DGKB: variants seen among roughly 807,000 people sequenced by gnomAD.
DGKB encodes the protein 90 kDa diacylglycerol kinase.
A neutral mutation model predicts 114.3 loss-of-function variants in DGKB; 67 were observed. That is an observed-to-expected ratio of 0.59 (90% CI 0.48 to 0.72). The LOEUF (loss-of-function observed/expected upper bound fraction) is 0.72. Ranked by LOEUF, DGKB falls within the 30% of genes least tolerant of loss-of-function variation. The pLI is 0.00. For synonymous variants in DGKB, 398 were observed against 323.1 expected, an observed-to-expected ratio of 1.23 and a Z score of -2.49; for missense variants, 907 against 975.2, an observed-to-expected ratio of 0.93 and a Z score of 0.93.
chr7:14,653,419 A>C (rs1271521045), intron 13 of DGKB, among the ~76,000 whole-genome samples: 2 of 149,900 alleles, frequency 1.3e-5, no homozygotes, highest in Non-Finnish European at 3.0e-5. Flanking sequence ...AAAACCAAAC[A>C]CCGCATATTC....
At chr7:14,765,410 C>G (rs149281756) in intron 2 of DGKB, among the ~76,000 whole-genome samples, 1 of 151,920 alleles carries the variant, frequency 6.6e-6, no homozygotes, top group African/African-American at 2.4e-5. Context: ...TAGTTAATTC[C>G]AAAATGACTA....
intron 2 of DGKB, among the ~76,000 whole-genome samples, chr7:14,780,262 A>G (rs1838865800): frequency 6.6e-6 from 1 of 152,082 alleles, no homozygotes; most frequent in Non-Finnish European, 1.5e-5. Flanking sequence ...TCTCCAGCTG[A>G]CTCTTTTGTG....
chr7:14,892,438 A>G (rs1315299994), intron 1 of DGKB, among the ~76,000 whole-genome samples: 1 of 151,366 alleles, frequency 6.6e-6, no homozygotes, highest in Non-Finnish European at 1.5e-5. Context: ...AAGATAATAG[A>G]TGACACTGAG....
At chr7:14,276,928 CAT>C (rs1253822969) in intron 23 of DGKB, among the ~76,000 whole-genome samples, 1 of 151,800 alleles carries the variant, frequency 6.6e-6, no homozygotes, top group East Asian at 1.9e-4. Context: ...GATGATTTGA[CAT>C]ATGTCTACAA....
At chr7:14,653,741 G>A (rs1035348395) in intron 13 of DGKB, among the ~76,000 whole-genome samples, 17 of 151,788 alleles carry the variant, frequency 1.1e-4, no homozygotes, top group African/African-American at 4.1e-4. Flanking sequence ...ATCAATAAAT[G>A]TGATATAATA....
At chr7:14,501,742 T>C (rs1377638474) in intron 20 of DGKB, among the ~76,000 whole-genome samples, 1 of 151,980 alleles carries the variant, frequency 6.6e-6, no homozygotes, top group Non-Finnish European at 1.5e-5. Flanking sequence ...ATTGCCATTA[T>C]CCTATGTCAT....
At chr7:14,461,807 G>T (rs928076280) in intron 21 of DGKB, among the ~76,000 whole-genome samples, 14 of 152,206 alleles carry the variant, frequency 9.2e-5, no homozygotes, top group African/African-American at 3.4e-4. Context: ...AACAAAAAAA[G>T]AAAATTTCAG....
chr7:14,709,800 ACT>A (rs1827015564), intron 6 of DGKB, among the ~76,000 whole-genome samples: 1 of 117,690 alleles, frequency 8.5e-6, no homozygotes, highest in Non-Finnish European at 1.7e-5. Context: ...GGAATATCAC[ACT>A]CTGGGGACTG....
intron 1 of DGKB, among the ~76,000 whole-genome samples, chr7:14,887,999 T>C (rs1780581619): frequency 6.6e-6 from 1 of 151,568 alleles, no homozygotes; most frequent in Non-Finnish European, 1.5e-5. Flanking sequence ...TGAATGGGAG[T>C]TATTAAATGC....
chr7:14,287,685 A>T (rs10269065), intron 23 of DGKB, among the ~76,000 whole-genome samples: 9,668 of 152,194 alleles, frequency 0.064, 994 homozygotes, highest in African/African-American at 0.22. Context: ...AAAGTTAAGC[A>T]TGTTCTTAAA....
At chr7:14,700,116 G>A (rs979247890) in intron 7 of DGKB, among the ~76,000 whole-genome samples, 2 of 151,930 alleles carry the variant, frequency 1.3e-5, no homozygotes, top group African/African-American at 4.8e-5. Context: ...TCGTGAAATG[G>A]CACCATAAAA....
At chr7:14,697,076 C>G (rs1824069586) in intron 8 of DGKB, among the ~76,000 whole-genome samples, 1 of 152,160 alleles carries the variant, frequency 6.6e-6, no homozygotes, top group South Asian at 2.1e-4. Context: ...CTCTTATCAA[C>G]TTTCCCCAAA....
At chr7:14,195,745 T>G (rs140956258) in intron 23 of DGKB, among the ~76,000 whole-genome samples, 181 of 152,272 alleles carry the variant, frequency 1.2e-3, no homozygotes, top group African/African-American at 4.0e-3. Context: ...TTAATAATGC[T>G]GAACATTAAA....
At chr7:14,292,726 C>A (rs1031032066) in intron 23 of DGKB, among the ~76,000 whole-genome samples, 2 of 152,198 alleles carry the variant, frequency 1.3e-5, no homozygotes, top group African/African-American at 2.4e-5. Context: ...TCTGCACTTA[C>A]AGAGTGCCTC....
At chr7:14,430,257 T>C (rs558321750) in intron 21 of DGKB, among the ~76,000 whole-genome samples, 1 of 152,180 alleles carries the variant, frequency 6.6e-6, no homozygotes, top group Non-Finnish European at 1.5e-5. Flanking sequence ...GATGGTCTTT[T>C]AAAAATATTT....
At chr7:14,346,740 G>C (rs1812541863) in intron 21 of DGKB, among the ~76,000 whole-genome samples, 1 of 151,828 alleles carries the variant, frequency 6.6e-6, no homozygotes, top group African/African-American at 2.4e-5. Context: ...TTTATAGAAT[G>C]GTTAGGCTTT....
At chr7:14,763,467 G>A (rs1450857083) in intron 2 of DGKB, among the ~76,000 whole-genome samples, 2 of 152,034 alleles carry the variant, frequency 1.3e-5, no homozygotes, top group African/African-American at 4.8e-5. Context: ...AACACATGAA[G>A]AAATCAAAGT....
At position 14,268,123 on chromosome 7, in the gene DGKB, A is replaced by G. The variant is rs1797772029; in HGVS notation, c.2122+70392T>C. On this transcript the variant is annotated intron_variant, in intron 23 of 25. Transcript: ENST00000402815. ...TGCTAGCTTACTATCTAGCTCACTG[A>G]TCTAACCACTATATAGAACTACATG... 1.3e-5 allele frequency among the ~76,000 whole-genome samples: 2 copies of G among 152,062 alleles called. 1 individual carries two copies. Among genetic ancestry groups the G allele is most frequent in the Admixed American group, 1.3e-4 (2 of 15,260 alleles).
chr7:14,689,363 G>A (rs1409521112), intron 9 of DGKB, among the ~76,000 whole-genome samples: 1 of 151,594 alleles, frequency 6.6e-6, no homozygotes, highest in African/African-American at 2.4e-5. Flanking sequence ...TTTTAGTAGA[G>A]ACGGGGTTTC....
Sources: gnomAD v4.1 joint callset for allele counts (sites outside exome capture counted in the v4.1 genomes callset) on GRCh38, gnomAD v4.1.1 for gene constraint, MANE v1.5 for transcripts, NCBI Gene and HGNC (gene_info 2026-07-23, HGNC 2026-07-21) for gene names.